The following GLIS1 variants were observed in gnomAD, a reference collection of about 807,000 sequenced individuals.
GLIS1 encodes the protein GLIS family zinc finger 1.
Under a neutral mutation model 63.8 loss-of-function variants are expected in GLIS1, and 24 were observed. The observed-to-expected ratio is 0.38, with a 90% CI of 0.27 to 0.53. The LOEUF is 0.53. Among genes scored for constraint, GLIS1 ranks in the 20% least tolerant of loss-of-function variants. The pLI is 0.85. For synonymous variants in GLIS1, 450 were observed against 482.5 expected (o/e 0.93, Z 0.88); for missense variants, 1,036 against 1,074.1 (o/e 0.96, Z 0.50).
intron 2 of GLIS1, among the ~76,000 whole-genome samples, chr1:53,630,787 G>A (rs183507679): frequency 6.6e-6 from 1 of 152,310 alleles, no homozygotes; most frequent in East Asian, 1.9e-4. Context: ...ATGAGCCATC[G>A]TGCCCAGCCA....
In GLIS1 at chr1:53,509,239, T is replaced by C; in HGVS notation, c.2111A>G (p.Asp704Gly). ...HSIQSCFPYG[D>G]CYRMAEPAAG... ...TGCTGGTTCAGCCATCCGGTAGCAG[T>C]CGCCATAGGGGAAGCAACTCTGGAT... is the stretch of plus-strand genomic sequence containing the variant. The change falls in exon 10 of 11, where the codon GAC (aspartate) becomes GGC (glycine). Residue 704 changes from aspartate (D) to glycine (G), a missense_variant. Asp to Gly is a moderately conservative substitution (Grantham distance 94). Around this residue, in one of 3 missense-constraint regions of GLIS1, gnomAD observed 400 missense variants for 400.9 expected, o/e 1.00. Transcript: ENST00000628545. 1.3e-6 allele frequency: 2 copies of C among 1,595,776 alleles called. No homozygotes were observed. Among genetic ancestry groups the C allele is most frequent in the Non-Finnish European group, 1.7e-6 (2 of 1,171,462 alleles).
Position 53,574,466 on chromosome 1 carries a change from C to A in GLIS1, c.1320+19642G>T, listed in dbSNP as rs1645013227. ...CCACGCAGTCTCCCCTGGGAGATTA[C>A]CTGTATACTAATCCCCCTCTCAGGC... On this transcript the variant is annotated intron_variant, in intron 4 of 10. Transcript: ENST00000628545. This position sits in a 1 kb window ranked among gnomAD's most constrained non-coding sequence, Gnocchi z 4.2. 6.6e-6 allele frequency among the ~76,000 whole-genome samples: 1 copy of A among 152,198 alleles called. No homozygotes were observed. The highest frequency in any genetic ancestry group is 1.5e-5 in the Non-Finnish European group (1 of 68,048).
At chr1:53,534,221 A>T (rs1319114847) in intron 4 of GLIS1, among the ~76,000 whole-genome samples, 1 of 151,992 alleles carries the variant, frequency 6.6e-6, no homozygotes, top group Non-Finnish European at 1.5e-5. Context: ...AAATGCAGCC[A>T]TCTAGCACGT....
Position 53,514,749 on chromosome 1 carries a change from C to G in GLIS1, c.1759G>C (p.Gly587Arg), listed in dbSNP as rs767707702. Residue 587 changes from glycine to arginine, a missense_variant, in exon 8 of 11, where the codon GGA becomes CGA. Physicochemically the swap from Gly to Arg is moderately radical, Grantham distance 125. This residue lies in a region of GLIS1 where 400 missense variants were observed against 400.9 expected (regional missense o/e 1.00). Coordinates refer to ENST00000628545, the MANE Select transcript of GLIS1 (RefSeq NM_001367484.1). ...VYPGSITPHN[G>R]LASGLLPPAH... Reference sequence around the variant, plus strand: ...GGGGGCAGGAGGCCCGATGCAAGTCCGTTATGGGGGGTGATGGAGCCAGGA... The same window carrying G: ...GGGGGCAGGAGGCCCGATGCAAGTCGGTTATGGGGGGTGATGGAGCCAGGA... 9 of 1,607,474 alleles carry G rather than the reference C, an allele frequency of 5.6e-6. No individual in the cohort carries two copies. Among genetic ancestry groups the G allele is most frequent in the Non-Finnish European group, 7.6e-6 (9 of 1,176,962 alleles).
At chr1:53,709,337 T>C (rs192377954) in intron 2 of GLIS1, among the ~76,000 whole-genome samples, 55 of 135,734 alleles carry the variant, frequency 4.1e-4, no homozygotes, top group Middle Eastern at 3.6e-3. Context: ...TACACATATA[T>C]ATACATATAT....
At chr1:53,612,617 T>C (rs1212826260) in intron 2 of GLIS1, among the ~76,000 whole-genome samples, 1 of 152,126 alleles carries the variant, frequency 6.6e-6, no homozygotes, top group African/African-American at 2.4e-5. Context: ...CAGTAGCCCT[T>C]AACTCCAATT....
At chr1:53,573,060 G>T (rs139289731) in intron 4 of GLIS1, among the ~76,000 whole-genome samples, 7 of 152,306 alleles carry the variant, frequency 4.6e-5, no homozygotes, top group African/African-American at 1.7e-4. Flanking sequence ...GTTACCACCA[G>T]CAGTTTATGG....
At chr1:53,550,428 C>T (rs555318527) in intron 4 of GLIS1, among the ~76,000 whole-genome samples, 5 of 152,338 alleles carry the variant, frequency 3.3e-5, no homozygotes, top group East Asian at 3.9e-4. Context: ...CATGACAGTG[C>T]GTAGAGCGAA....
At chr1:53,567,983 C>T (rs550093549) in intron 4 of GLIS1, among the ~76,000 whole-genome samples, 5 of 152,322 alleles carry the variant, frequency 3.3e-5, no homozygotes, top group African/African-American at 4.8e-5. Flanking sequence ...CCACACAGAG[C>T]CCCCCTTGGG....
rs1226417515 is a variant in GLIS1, at chr1:53,539,369, C to G, written c.1321-9417G>C. On this transcript the variant is annotated intron_variant, in intron 4 of 10. Transcript: ENST00000628545. This position sits in a 1 kb window ranked among gnomAD's most constrained non-coding sequence, Gnocchi z 5.0. ...CCCCACATATATACCACATAACACA[C>G]CCACACATATCATACCACACACACA... is the stretch of plus-strand genomic sequence containing the variant. 6.6e-6 allele frequency among the ~76,000 whole-genome samples: 1 copy of G among 151,342 alleles called. No homozygotes were observed. The highest frequency in any genetic ancestry group is 2.1e-4 in the South Asian group (1 of 4,774).
intron 4 of GLIS1, among the ~76,000 whole-genome samples, chr1:53,587,233 G>A (rs1025228721): frequency 1.1e-4 from 17 of 152,264 alleles, no homozygotes; most frequent in African/African-American, 3.6e-4. Context: ...TTAATGTACC[G>A]GATGACATGA....
chr1:53,580,648 TCA>T (rs1295226274), intron 4 of GLIS1, among the ~76,000 whole-genome samples: 2 of 152,164 alleles, frequency 1.3e-5, no homozygotes, highest in Admixed American at 6.5e-5. Flanking sequence ...TCTCTGGGCC[TCA>T]GTTTCCTCAT....
chr1:53,633,103 GGT>G (rs946938286), intron 2 of GLIS1, among the ~76,000 whole-genome samples: 4 of 131,596 alleles, frequency 3.0e-5, no homozygotes, highest in East Asian at 2.6e-4. Flanking sequence ...GTGACTGAGG[GGT>G]GTGTGAGTGT....
chr1:53,660,434 C>T (rs2100358834), intron 2 of GLIS1, among the ~76,000 whole-genome samples: 1 of 152,318 alleles, frequency 6.6e-6, no homozygotes, highest in Admixed American at 6.5e-5. Context: ...CCATTTGCAC[C>T]CAAGGAAGCT....
intron 3 of GLIS1, among the ~76,000 whole-genome samples, chr1:53,597,322 G>A (rs1414935326): frequency 6.8e-6 from 1 of 147,802 alleles, no homozygotes; most frequent in African/African-American, 2.5e-5. Flanking sequence ...GCAGTGAGCC[G>A]AGATGGCGCC....
chr1:53,714,073 A>C (rs1316579966), intron 2 of GLIS1, among the ~76,000 whole-genome samples: 3 of 152,228 alleles, frequency 2.0e-5, no homozygotes, highest in Non-Finnish European at 2.9e-5. Context: ...TAAGTGAAGA[A>C]AGATAAGAAA....
At chr1:53,583,854 A>G (rs1034274731) in intron 4 of GLIS1, among the ~76,000 whole-genome samples, 1 of 152,214 alleles carries the variant, frequency 6.6e-6, no homozygotes, top group Non-Finnish European at 1.5e-5. Flanking sequence ...CAGTTGTGCA[A>G]ACTTTACGGA....
chr1:53,704,420 C>T lies in GLIS1; in HGVS notation c.259+33386G>A, dbSNP rs77108097. On this transcript the variant is annotated intron_variant, in intron 2 of 10. Coordinates refer to ENST00000628545, the MANE Select transcript of GLIS1 (RefSeq NM_001367484.1). ...GGACACACAGAATTAGCGGCAGGGC[C>T]ATTCGCCTGCTTGTTGAGCCAGTCC... is the stretch of plus-strand genomic sequence containing the variant. 6.7e-3 allele frequency among the ~76,000 whole-genome samples: 1,028 copies of T among 152,360 alleles called. 15 individuals carry two copies. Among genetic ancestry groups the T allele is most frequent in the African/African-American group, 0.023 (974 of 41,578 alleles).
chr1:53,627,189 C>T (rs1300161630), intron 2 of GLIS1, among the ~76,000 whole-genome samples: 2 of 152,154 alleles, frequency 1.3e-5, no homozygotes, highest in East Asian at 1.9e-4. Flanking sequence ...AAGAGCTGAA[C>T]GCTAGGTAGT....
Sources: allele counts gnomAD v4.1 joint callset (sites outside exome capture counted in the v4.1 genomes callset), GRCh38; gene constraint gnomAD v4.1.1; regional missense constraint gnomAD v4.1.1; non-coding constraint Gnocchi (gnomAD v3.1); transcripts MANE v1.5; gene names NCBI Gene and HGNC (gene_info 2026-07-23, HGNC 2026-07-21).